RGS5: variants seen among roughly 807,000 people sequenced by gnomAD.
RGS5 encodes the protein regulator of G protein signaling 5, also known as regulator of G-protein signalling 5.
In RGS5, 20 loss-of-function variants were observed where a neutral mutation model predicts 18.9. The observed-to-expected ratio is 1.06, with a 90% CI of 0.74 to 1.54. The LOEUF is 1.54. Ranked by LOEUF, RGS5 falls within the 40% of genes most tolerant of loss-of-function variation. The pLI is 0.00. For missense variants in RGS5, 201 were observed against 211.8 expected (o/e 0.95, Z 0.32); for synonymous variants, 57 against 76.2 (o/e 0.75, Z 1.31).
chr1:163,237,934 T>A (rs1647673235), intron 2 of RGS5: 1 of 154,358 alleles, frequency 6.5e-6, no homozygotes, highest in East Asian at 1.9e-4. Flanking sequence ...ACGGATGATA[T>A]GCTGAAGTCG....
At chr1:163,184,542 C>T (rs779002441) in intron 1 of RGS5, among the ~76,000 whole-genome samples, 10 of 152,140 alleles carry the variant, frequency 6.6e-5, no homozygotes, top group Non-Finnish European at 1.3e-4. Flanking sequence ...ATCCCCAAAT[C>T]GCCCTCCATG....
At chr1:163,161,219 C>G (rs77660013) in intron 3 of RGS5, among the ~76,000 whole-genome samples, 1,967 of 152,214 alleles carry the variant, frequency 0.013, 32 homozygotes, top group African/African-American at 0.045. Context: ...GTTCAATTTG[C>G]CTGCAGACCG....
intron 2 of RGS5, among the ~76,000 whole-genome samples, chr1:163,229,371 G>A (rs1020368704): frequency 8.5e-5 from 13 of 152,080 alleles, no homozygotes; most frequent in Non-Finnish European, 1.9e-4. Flanking sequence ...ACAGCATGGG[G>A]GAAGCCTCCC....
chr1:163,300,670 G>A (rs990885808), intron 2 of RGS5: 1 of 152,066 alleles, frequency 6.6e-6, no homozygotes, highest in African/African-American at 2.4e-5. Context: ...CTTGGCGAAG[G>A]GGAAGGTCAC....
At chr1:163,235,877 C>G (rs536560158) in intron 2 of RGS5, among the ~76,000 whole-genome samples, 153 of 152,312 alleles carry the variant, frequency 1.0e-3, no homozygotes, top group African/African-American at 3.6e-3. Flanking sequence ...TTTCTCTCTA[C>G]TTTAGACATC....
chr1:163,198,116 A>G (rs973961426), intron 1 of RGS5, among the ~76,000 whole-genome samples: 14 of 152,184 alleles, frequency 9.2e-5, no homozygotes, highest in East Asian at 1.9e-4. Context: ...GAACATGGGG[A>G]AAAAAATGAT....
At chr1:163,168,154 T>G in intron 2 of RGS5, 104 bp downstream of exon 2, 3 of 801,168 alleles carry the variant, frequency 3.7e-6, no homozygotes, top group Non-Finnish European at 6.2e-6. Context: ...TGATCCTTAA[T>G]GAGTAATTGA....
chr1:163,267,991 C>T (rs1212791956), intron 2 of RGS5, among the ~76,000 whole-genome samples: 1 of 152,018 alleles, frequency 6.6e-6, no homozygotes, highest in Non-Finnish European at 1.5e-5. Flanking sequence ...CCTTATCTGA[C>T]CCAACTGGTT....
At chr1:163,270,050 G>A (rs1473118522) in intron 2 of RGS5, among the ~76,000 whole-genome samples, 4 of 152,136 alleles carry the variant, frequency 2.6e-5, no homozygotes, top group African/African-American at 7.2e-5. Context: ...AGGCTAAAGT[G>A]CAGTGGCATG....
intron 1 of RGS5, among the ~76,000 whole-genome samples, chr1:163,314,305 A>G (rs1331611065): frequency 6.6e-6 from 1 of 152,072 alleles, no homozygotes. Flanking sequence ...CTGGCAGCTG[A>G]TTTTTCCAAA....
intron 1 of RGS5, among the ~76,000 whole-genome samples, chr1:163,194,801 C>A (rs943310398): frequency 6.6e-6 from 1 of 151,872 alleles, no homozygotes; most frequent in East Asian, 1.9e-4. Flanking sequence ...CGATTCTTAC[C>A]GGATATTCAA....
chr1:163,194,471 A>G (rs972122289), intron 1 of RGS5, among the ~76,000 whole-genome samples: 10 of 152,166 alleles, frequency 6.6e-5, no homozygotes, highest in African/African-American at 2.4e-4. Flanking sequence ...AACAGACCAT[A>G]TAATTGATCA....
intron 2 of RGS5, among the ~76,000 whole-genome samples, chr1:163,273,090 G>C (rs1390490909): frequency 2.6e-5 from 4 of 151,888 alleles, no homozygotes; most frequent in Admixed American, 2.0e-4. Context: ...TGTGGTCAGA[G>C]AACATACTTC....
upstream of RGS5, among the ~76,000 whole-genome samples, chr1:163,220,774 G>A (rs1245112941): frequency 1.3e-5 from 2 of 152,064 alleles, no homozygotes; most frequent in Admixed American, 6.6e-5. Context: ...TATCTCAGTG[G>A]GCCCAATGTC....
intron 2 of RGS5, among the ~76,000 whole-genome samples, chr1:163,300,199 T>C (rs1403144487): frequency 1.3e-5 from 2 of 152,212 alleles, no homozygotes; most frequent in African/African-American, 2.4e-5. Context: ...GGTCTAAGGC[T>C]TGGAGAAAAG....
upstream of RGS5, among the ~76,000 whole-genome samples, chr1:163,205,426 T>G (rs1406951062): frequency 6.6e-6 from 1 of 151,562 alleles, no homozygotes; most frequent in Non-Finnish European, 1.5e-5. Flanking sequence ...ATTGAACTAT[T>G]TTAAAATCTC....
chr1:163,180,689 T>TTTTG (rs1658787965), intron 1 of RGS5, among the ~76,000 whole-genome samples: 1 of 112,362 alleles, frequency 8.9e-6, no homozygotes, highest in Non-Finnish European at 1.8e-5. Flanking sequence ...TTACCCTGTT[T>TTTTG]TTTTTTTTTT....
upstream of RGS5, chr1:163,203,096 G>T: frequency 2.4e-6 from 1 of 423,904 alleles, no homozygotes; most frequent in Non-Finnish European, 4.3e-6. Context: ...GCTTTCATCT[G>T]CTCTTATCAC....
chr1:163,260,654 C>T (rs1648408740), intron 2 of RGS5: 1 of 146,960 alleles, frequency 6.8e-6, no homozygotes, highest in African/African-American at 2.5e-5. Flanking sequence ...ACCTCAAAAG[C>T]TATTGAAATA....
Sources: allele counts gnomAD v4.1 joint callset (sites outside exome capture counted in the v4.1 genomes callset), GRCh38; gene constraint gnomAD v4.1.1; transcripts MANE v1.5; gene names NCBI Gene and HGNC (gene_info 2026-07-23, HGNC 2026-07-21).